The following PKD1L3 variants were observed in gnomAD, a reference collection of about 807,000 sequenced individuals.
PKD1L3 encodes polycystin 1 like 3, transient receptor potential channel interacting.
PKD1L3 carries 239 observed loss-of-function variants against 184.1 expected under a neutral mutation model. That is an observed-to-expected ratio of 1.30 (90% CI 1.17 to 1.45). The LOEUF (loss-of-function observed/expected upper bound fraction) is 1.45, where lower values mean the gene tolerates loss of function less well. Ranked by LOEUF, PKD1L3 falls within the 40% of genes most tolerant of loss-of-function variation. The pLI is 0.00. For synonymous variants in PKD1L3, 996 were observed against 778.8 expected, an observed-to-expected ratio of 1.28 and a Z score of -4.64; for missense variants, 2,660 against 2,067.2, an observed-to-expected ratio of 1.29 and a Z score of -5.56.
chr16:71,960,827 G>A (rs764162782), intron 16 of PKD1L3, among the ~76,000 whole-genome samples: 1 of 152,176 alleles, frequency 6.6e-6, no homozygotes, highest in Admixed American at 6.5e-5. Context: ...GGAAGCTGAG[G>A]TGGGAGGACT....
At position 71,953,574 on chromosome 16, in the gene PKD1L3, G is replaced by A. The variant is rs538747471; in HGVS notation, c.2810-481C>T. Among the ~76,000 whole-genome samples, 18 of 152,310 alleles carry A rather than the reference G, an allele frequency of 1.2e-4. No individual in the cohort carries two copies. In the South Asian group the frequency reaches 3.7e-3, roughly 32 times the overall value. On this transcript the variant is annotated intron_variant, in intron 17 of 29. Coordinates refer to ENST00000620267, the MANE Select transcript of PKD1L3 (RefSeq NM_181536.2). ...CAAAGCATCTTACATGGTGGCAGAA[G>A]AGTGACAGGGGAACTGCCACACACT...
rs116159819 is a variant in PKD1L3 at position 71,968,223 on chromosome 16, G to A, written c.2185-216C>T. Among the ~76,000 whole-genome samples the A allele has an allele frequency of 7.3e-3, 1,111 of 152,262 alleles. 18 individuals carry two copies. The highest frequency in any genetic ancestry group is 0.025 in the African/African-American group (1,028 of 41,548). Reference sequence around the variant, plus strand: ...CCTCCAGGGCCTGTGCCTCTCAAGTGAAACAGTCATAGAATCACCCGATCA... The same window carrying A: ...CCTCCAGGGCCTGTGCCTCTCAAGTAAAACAGTCATAGAATCACCCGATCA... On this transcript the variant is annotated intron_variant, in intron 13 of 29. Transcript: ENST00000620267.
At chr16:71,960,292 T>C (rs1454875142) in intron 16 of PKD1L3, among the ~76,000 whole-genome samples, 4 of 152,008 alleles carry the variant, frequency 2.6e-5, no homozygotes, top group African/African-American at 9.7e-5. Flanking sequence ...TCCAAATGGA[T>C]TGGTAATCAT....
intron 5 of PKD1L3, among the ~76,000 whole-genome samples, chr16:71,984,838 G>A (rs552304692): frequency 4.6e-5 from 7 of 152,282 alleles, no homozygotes; most frequent in Middle Eastern, 3.4e-3. Context: ...CAGCCTGGGC[G>A]ACAGATCGAG....
In PKD1L3 at chr16:71,935,343, C is replaced by A; in HGVS notation, c.4613+15G>T. 1.3e-6 allele frequency: 2 copies of A among 1,548,616 alleles called. No homozygotes were observed. Among genetic ancestry groups the A allele is most frequent in the Admixed American group, 2.0e-5 (1 of 50,674 alleles). On this transcript the variant is annotated intron_variant, in intron 26 of 29. Transcript: ENST00000620267. ...TGAGGTAGGAATATGCTGTGCCCCTCAGGCTTCCTCTCACCTGTCCTGGTC... is the reference window on the plus strand; with the variant it reads ...TGAGGTAGGAATATGCTGTGCCCCTAAGGCTTCCTCTCACCTGTCCTGGTC...
chr16:71,984,155 T>A lies in PKD1L3; in HGVS notation c.847A>T (p.Ile283Leu). 1.3e-6 allele frequency: 2 copies of A among 1,551,492 alleles called. No individual in the cohort carries two copies. Among genetic ancestry groups the A allele is most frequent in the Non-Finnish European group, 1.7e-6 (2 of 1,146,760 alleles). The change falls in exon 6 of 30, where the codon ATA (isoleucine) becomes TTA (leucine). Residue 283 changes from isoleucine (I) to leucine (L), a missense_variant. By Grantham distance (5) the Ile-to-Leu change is conservative (BLOSUM62 2). Coordinates refer to ENST00000620267, the MANE Select transcript of PKD1L3 (RefSeq NM_181536.2). ...ACTGCTCTGCTGAAGTTCCCTGCTATCTCATCTATGACCTATTGGGAACAA... is the reference window on the plus strand; with the variant it reads ...ACTGCTCTGCTGAAGTTCCCTGCTAACTCATCTATGACCTATTGGGAACAA... ...QKASGQVIDE[I>L]AGNFSRAVHG... is the part of the protein sequence containing the mutation.
intron 7 of PKD1L3, 87 bp from the exon 8 acceptor site, chr16:71,980,221 G>A (rs2040096933): frequency 6.9e-7 from 1 of 1,447,982 alleles, no homozygotes; most frequent in African/African-American, 1.4e-5. Context: ...ATTGGAAGGG[G>A]AATTTTCACA....
intron 24 of PKD1L3, 126 bp downstream of exon 24, chr16:71,942,434 A>T: frequency 1.3e-6 from 1 of 772,792 alleles, no homozygotes; most frequent in Non-Finnish European, 2.1e-6. Flanking sequence ...GTAAGTCTCC[A>T]ACAAATTTAC....
At position 71,942,792 on chromosome 16, in the gene PKD1L3, T is replaced by C; in HGVS notation, c.4092A>G (p.Gln1364=). Residue 1364 remains glutamine (Q), a synonymous_variant, in exon 24 of 30, where the codon CAA becomes CAG. Coordinates refer to ENST00000620267, the MANE Select transcript of PKD1L3 (RefSeq NM_181536.2). Reference sequence around the variant, plus strand: ...TGGTACGGGGTATTTGGAAAATTAATTGTACCCCACATTTGCAATGACTGG... The same window carrying C: ...TGGTACGGGGTATTTGGAAAATTAACTGTACCCCACATTTGCAATGACTGG... The part of the protein sequence containing the change: ...LEPSHCKCGV[Q]LIFQIPRTKT... The C allele has an allele frequency of 6.4e-7, 1 of 1,551,642 alleles. No homozygotes were observed. The highest frequency in any genetic ancestry group is 2.4e-5 in the East Asian group (1 of 40,924).
intron 5 of PKD1L3, among the ~76,000 whole-genome samples, chr16:71,985,319 G>A (rs2040314560): frequency 6.6e-6 from 1 of 152,088 alleles, no homozygotes; most frequent in East Asian, 1.9e-4. Context: ...TGTTTTAGCA[G>A]GGAAATGTTC....
In PKD1L3 at chr16:71,990,263, T is replaced by G. The variant is rs748397090; in HGVS notation, c.585+17A>C. On this transcript the variant is annotated intron_variant, in intron 4 of 29. Transcript: ENST00000620267. ...GATCAACATTTCACAATGTATGTTG[T>G]CAAGGGAAGCACTTACAAGATGAGC... The G allele has an allele frequency of 5.2e-6, 8 of 1,530,544 alleles. No homozygotes were observed. The highest frequency in any genetic ancestry group is 7.1e-6 in the Non-Finnish European group (8 of 1,128,602). The allele number at this position is 1,530,544 out of a possible 1,614,324, so 94.8% of individuals were successfully genotyped here. A position where few individuals can be genotyped will look rare whatever the true frequency, so the allele number is the denominator to read the frequency against.
At position 71,987,190 on chromosome 16, in the gene PKD1L3, T is replaced by A. The variant is rs992535985; in HGVS notation, c.586-721A>T. ...CACCCACCTTGGCCTCCCAAAGTGC[T>A]AGGATTACAGGCGTGAGCCACTGCA... On this transcript the variant is annotated intron_variant, in intron 4 of 29. Transcript: ENST00000620267. Among the ~76,000 whole-genome samples, 126 of 151,892 alleles carry A rather than the reference T, an allele frequency of 8.3e-4. 1 individual carries two copies. The highest frequency in any genetic ancestry group is 2.8e-3 in the African/African-American group (116 of 41,410).
chr16:71,952,592 T>TGGGAGACCAAGGTGGGAGGATGGC (rs1555516711), intron 18 of PKD1L3, among the ~76,000 whole-genome samples: 1 of 147,376 alleles, frequency 6.8e-6, no homozygotes, highest in South Asian at 2.2e-4. Context: ...CCCAGCACTT[T>TGGGAGACCAAGGTGGGAGGATGGC]GGGAGGCCAA....
At chr16:71,954,455 T>G (rs2038970693) in intron 16 of PKD1L3, among the ~76,000 whole-genome samples, 154 bp from the exon 17 acceptor site, 1 of 152,262 alleles carries the variant, frequency 6.6e-6, no homozygotes, top group Non-Finnish European at 1.5e-5. Flanking sequence ...TTAATTCTTT[T>G]TTTATTTTAA....
chr16:71,940,600 A>G (rs942390063), intron 24 of PKD1L3, among the ~76,000 whole-genome samples: 3 of 151,704 alleles, frequency 2.0e-5, no homozygotes, highest in Non-Finnish European at 4.4e-5. Flanking sequence ...CCTGGGTTCA[A>G]GCAATTCTCC....
chr16:71,990,085 C>G (rs1457568236), intron 4 of PKD1L3, among the ~76,000 whole-genome samples, 195 bp downstream of exon 4: 1 of 119,162 alleles, frequency 8.4e-6, no homozygotes, highest in Non-Finnish European at 1.8e-5. Flanking sequence ...TCTCTCCCAC[C>G]AAAAAAAAAA....
chr16:71,967,795 A>G, intron 14 of PKD1L3, 111 bp downstream of exon 14: 1 of 884,636 alleles, frequency 1.1e-6, no homozygotes, highest in Non-Finnish European at 1.7e-6. Flanking sequence ...AGAAAATACC[A>G]ATCTCTAGTC....
chr16:71,942,709 C>A lies in PKD1L3; in HGVS notation c.4175G>T (p.Cys1392Phe). The A allele has an allele frequency of 2.6e-6, 4 of 1,551,740 alleles. No homozygotes were observed. Among genetic ancestry groups the A allele is most frequent in the Non-Finnish European group, 3.5e-6 (4 of 1,146,994 alleles). Residue 1392 changes from cysteine to phenylalanine, a missense_variant, in exon 24 of 30, where the codon TGT becomes TTT. Physicochemically the swap from Cys to Phe is radical, Grantham distance 205 (BLOSUM62 -2). Transcript: ENST00000620267. ...QLAFCDNGHTCGRPKSLFPGL... is the reference protein window; with the variant it reads ...QLAFCDNGHTFGRPKSLFPGL... Reference sequence around the variant, plus strand: ...AGGGAATAGGCTCTTGGGACGCCCACAGGTATGGCCGTTATCACAAAACGC... The same window carrying A: ...AGGGAATAGGCTCTTGGGACGCCCAAAGGTATGGCCGTTATCACAAAACGC...
chr16:71,931,463 CTTTTTTT>C (rs11405919), intron 28 of PKD1L3, among the ~76,000 whole-genome samples: 99 of 115,892 alleles, frequency 8.5e-4, no homozygotes, highest in African/African-American at 1.3e-3. Flanking sequence ...TTCTCCCCCA[CTTTTTTT>C]TTTTTTTTTT....
Sources: allele counts gnomAD v4.1 joint callset (sites outside exome capture counted in the v4.1 genomes callset), GRCh38; gene constraint gnomAD v4.1.1; transcripts MANE v1.5; gene names NCBI Gene and HGNC (gene_info 2026-07-23, HGNC 2026-07-21).